The following DIAPH3 variants were observed in gnomAD, a reference collection of about 807,000 sequenced individuals.
DIAPH3 encodes diaphanous related formin 3.
In DIAPH3, 117 loss-of-function variants were observed where a neutral mutation model predicts 144.3. That is an observed-to-expected ratio of 0.81 (90% CI 0.70 to 0.95). The LOEUF (loss-of-function observed/expected upper bound fraction) is 0.95, where lower values mean the gene tolerates loss of function less well. DIAPH3 is among the 40% of genes least tolerant of loss of function. DIAPH3 has a pLI of 0.00. For missense variants in DIAPH3, 1,421 were observed against 1,412.7 expected (o/e 1.01, Z -0.09); for synonymous variants, 519 against 488.9 (o/e 1.06, Z -0.81).
chr13:59,768,829 A>G (rs2037981315), intron 27 of DIAPH3, among the ~76,000 whole-genome samples: 1 of 152,194 alleles, frequency 6.6e-6, no homozygotes, highest in Non-Finnish European at 1.5e-5. Flanking sequence ...AATTAAGGCT[A>G]TTAAGAATTG....
intron 25 of DIAPH3, among the ~76,000 whole-genome samples, chr13:59,799,377 A>G (rs1366035339): frequency 9.3e-4 from 11 of 11,772 alleles, no homozygotes; most frequent in South Asian, 7.2e-3. Flanking sequence ...GGAAATATGC[A>G]CACACACACA....
At chr13:59,977,840 A>G (rs560441327) in intron 14 of DIAPH3, among the ~76,000 whole-genome samples, 54 of 151,952 alleles carry the variant, frequency 3.6e-4, no homozygotes, top group Non-Finnish European at 7.2e-4. Context: ...TGCAGGGGGA[A>G]AAGATATTTT....
chr13:60,119,054 T>C (rs533673732), intron 2 of DIAPH3, among the ~76,000 whole-genome samples: 74 of 152,364 alleles, frequency 4.9e-4, no homozygotes, highest in Non-Finnish European at 8.5e-4. Flanking sequence ...TTTTAATCAC[T>C]GTGGCAGCCC....
At chr13:59,974,585 G>A (rs1594185252) in intron 14 of DIAPH3, 129 bp from the exon 15 acceptor site, 1 of 850,432 alleles carries the variant, frequency 1.2e-6, no homozygotes. Flanking sequence ...TATGAAAGGA[G>A]TGATAGAGTT....
chr13:59,875,056 A>C (rs768678296), intron 21 of DIAPH3, among the ~76,000 whole-genome samples: 9 of 152,196 alleles, frequency 5.9e-5, no homozygotes, highest in African/African-American at 9.6e-5. Context: ...ATCCTTTGAA[A>C]AAAATGAACT....
In DIAPH3 at chr13:60,089,071, G is replaced by A. The variant is rs947177135; in HGVS notation, c.495+4557C>T. Reference sequence around the variant, plus strand: ...CATAGTCTCCCATGACCCCCATCATGAGATTTTTCTCACATTATCCAGAAA... The same window carrying A: ...CATAGTCTCCCATGACCCCCATCATAAGATTTTTCTCACATTATCCAGAAA... On this transcript the variant is annotated intron_variant, in intron 4 of 27. Transcript: ENST00000400324. 3.9e-5 allele frequency among the ~76,000 whole-genome samples: 6 copies of A among 152,260 alleles called. No individual in the cohort carries two copies. The East Asian group carries it at 9.6e-4, about 24-fold the overall frequency.
chr13:59,942,362 C>T (rs1204135156), intron 17 of DIAPH3, among the ~76,000 whole-genome samples: 2 of 152,072 alleles, frequency 1.3e-5, no homozygotes, highest in Non-Finnish European at 2.9e-5. Flanking sequence ...GATCTTGCAA[C>T]AATTTTTTTA....
At chr13:59,802,470 T>G (rs1282982646) in intron 25 of DIAPH3, among the ~76,000 whole-genome samples, 2 of 150,518 alleles carry the variant, frequency 1.3e-5, no homozygotes, top group Non-Finnish European at 3.0e-5. Flanking sequence ...TTTATAAATA[T>G]ATCAATTTTA....
intron 4 of DIAPH3, among the ~76,000 whole-genome samples, chr13:60,046,700 T>C (rs990555038): frequency 2.6e-5 from 4 of 152,084 alleles, no homozygotes; most frequent in Non-Finnish European, 4.4e-5. Context: ...CTGTTCACAA[T>C]AGCAAAGACT....
intron 27 of DIAPH3, among the ~76,000 whole-genome samples, chr13:59,762,917 C>T (rs2037675197): frequency 6.6e-6 from 1 of 152,016 alleles, no homozygotes; most frequent in African/African-American, 2.4e-5. Flanking sequence ...TGAGTCCAGC[C>T]CTGTTTTGTC....
chr13:59,912,441 C>T (rs968903909), intron 19 of DIAPH3, among the ~76,000 whole-genome samples: 2 of 152,054 alleles, frequency 1.3e-5, no homozygotes, highest in Non-Finnish European at 2.9e-5. Flanking sequence ...GATTGATATA[C>T]CTTGCAGATA....
chr13:59,903,611 T>TA lies in DIAPH3; in HGVS notation c.2367+8123dup, dbSNP rs60950452. Among the ~76,000 whole-genome samples the TA allele has an allele frequency of 7.0e-3, 990 of 140,942 alleles. 4 individuals carry two copies. The highest frequency in any genetic ancestry group is 0.016 in the African/African-American group (626 of 38,506). The allele number at this position is 140,942 out of a possible 152,430, so 92.5% of individuals were successfully genotyped here. On this transcript the variant is annotated intron_variant, in intron 20 of 27. Coordinates refer to ENST00000400324, the MANE Select transcript of DIAPH3 (RefSeq NM_001042517.2). ...CACTTAGGGTTTAAGTTCTATTCTT[T>TA]AAAAAAAAAAAAAAAGTGTGAATTA...
intron 9 of DIAPH3, among the ~76,000 whole-genome samples, chr13:60,000,909 A>G (rs148337766): frequency 0.011 from 1,612 of 152,310 alleles, 19 homozygotes; most frequent in Non-Finnish European, 0.019. Context: ...AGATAAAACC[A>G]ATGTATAGGA....
chr13:59,950,406 A>G (rs543349407), intron 17 of DIAPH3, among the ~76,000 whole-genome samples: 1 of 152,230 alleles, frequency 6.6e-6, no homozygotes, highest in East Asian at 1.9e-4. Flanking sequence ...ACGTTCACTC[A>G]TCCATCCAAC....
chr13:59,791,561 C>T (rs1464510127), intron 25 of DIAPH3, among the ~76,000 whole-genome samples: 1 of 152,102 alleles, frequency 6.6e-6, no homozygotes, highest in Non-Finnish European at 1.5e-5. Context: ...CTTTCTGATT[C>T]TAAAGCTCAT....
intron 27 of DIAPH3, among the ~76,000 whole-genome samples, chr13:59,678,949 A>T (rs2032785233): frequency 6.6e-6 from 1 of 152,250 alleles, no homozygotes; most frequent in Non-Finnish European, 1.5e-5. Context: ...ACAACTCAGG[A>T]TAAATAGAAA....
chr13:59,771,228 C>G (rs1332304145), intron 27 of DIAPH3, among the ~76,000 whole-genome samples: 1 of 151,972 alleles, frequency 6.6e-6, no homozygotes, highest in East Asian at 1.9e-4. Context: ...AAGGCACAGA[C>G]AACACACAGA....
At chr13:59,682,477 A>C (rs1420741053) in intron 27 of DIAPH3, among the ~76,000 whole-genome samples, 1 of 152,178 alleles carries the variant, frequency 6.6e-6, no homozygotes, top group Non-Finnish European at 1.5e-5. Flanking sequence ...GTGAGCCTCC[A>C]TGCCTGGCTT....
At chr13:59,923,083 TA>T in intron 18 of DIAPH3, among the ~76,000 whole-genome samples, 1 of 152,252 alleles carries the variant, frequency 6.6e-6, no homozygotes, top group Middle Eastern at 3.4e-3. Flanking sequence ...CTGTTTTAAT[TA>T]AATTTGAAAT....
Sources: allele counts gnomAD v4.1 joint callset (sites outside exome capture counted in the v4.1 genomes callset), GRCh38; gene constraint gnomAD v4.1.1; transcripts MANE v1.5; gene names NCBI Gene and HGNC (gene_info 2026-07-23, HGNC 2026-07-21).